Variants in RHCG observed in about 807,000 individuals in gnomAD.
RHCG encodes the protein Rh family C glycoprotein, also known as ammonium transporter Rh type C.
In RHCG, 39 loss-of-function variants were observed where a neutral mutation model predicts 55.3. The observed-to-expected ratio is 0.70, with a 90% CI of 0.55 to 0.92. The LOEUF is 0.92. Among genes scored for constraint, RHCG ranks in the 40% least tolerant of loss-of-function variants. RHCG has a pLI of 0.00. For synonymous variants in RHCG, 250 were observed against 246.8 expected (o/e 1.01, Z -0.12); for missense variants, 635 against 627.9 (o/e 1.01, Z -0.12).
rs1961067740 is a variant in RHCG, at chr15:89,472,891, G to A, written c.1312-28C>T. On this transcript the variant is annotated intron_variant, in intron 9 of 10. Transcript: ENST00000268122. ...ACAGAGAGAGGATGCAACTCTGAGG[G>A]CCCTGTCCCAGTCCAGGCAAGGGTG... 5 of 1,404,380 alleles carry A rather than the reference G, an allele frequency of 3.6e-6. No homozygotes were observed. The South Asian group carries it at 6.3e-5, about 18-fold the overall frequency. 87.0% of individuals were successfully genotyped at this position (1,404,380 alleles called of 1,614,324 possible).
At position 89,486,812 on chromosome 15, in the gene RHCG, C is replaced by T. The variant is rs138095319; in HGVS notation, c.358G>A (p.Val120Met). 1 of 1,591,074 alleles carries T rather than the reference C, an allele frequency of 6.3e-7. No homozygotes were observed. The highest frequency in any genetic ancestry group is 8.6e-7 in the Non-Finnish European group (1 of 1,163,140). Residue 120 changes from valine (V) to methionine (M), a missense_variant, in exon 2 of 11, where the codon GTG becomes ATG. Coordinates refer to ENST00000268122, the MANE Select transcript of RHCG (RefSeq NM_016321.3). ...FHFLQDRYIV[V>M]GVENLINADF... ...CCCTGCGCTCACTTCTCCACGCCCA[C>T]GACGATGTAGCGGTCTTGTAAGAAG...
intron 5 of RHCG, among the ~76,000 whole-genome samples, chr15:89,478,374 G>A (rs558061161): frequency 1.2e-4 from 19 of 152,316 alleles, no homozygotes; most frequent in Admixed American, 2.6e-4. Flanking sequence ...ACATAGGCAC[G>A]CACCAGCTGC....
At position 89,485,033 on chromosome 15, in the gene RHCG, C is replaced by A. The variant is rs149459214; in HGVS notation, c.371+1766G>T. 3.5e-3 allele frequency among the ~76,000 whole-genome samples: 530 copies of A among 152,224 alleles called. 3 individuals carry two copies. Among genetic ancestry groups the A allele is most frequent in the African/African-American group, 0.012 (516 of 41,530 alleles). On this transcript the variant is annotated intron_variant, in intron 2 of 10. Transcript: ENST00000268122. ...CAGGTCTGGGGACAATATGCTCATC[C>A]CAGCCCCGGGCACCAGAAATCAGCT...
rs148412499 is a variant in RHCG, at chr15:89,481,060, G to A, written c.523-652C>T. ...TAGAACTGGTTGTTGACAGGGCTGG[G>A]ATTCTCGACTCCCAGCCTAGCAGAT... is the stretch of plus-strand genomic sequence containing the variant. On this transcript the variant is annotated intron_variant, in intron 3 of 10. Transcript: ENST00000268122. 5.6e-4 allele frequency among the ~76,000 whole-genome samples: 86 copies of A among 152,326 alleles called. 1 individual carries two copies. Among genetic ancestry groups the A allele is most frequent in the African/African-American group, 1.8e-3 (74 of 41,580 alleles).
chr15:89,486,384 C>T (rs1055354124), intron 2 of RHCG: 2 of 456,432 alleles, frequency 4.4e-6, no homozygotes, highest in Admixed American at 2.3e-5. Flanking sequence ...TCTCAGGACA[C>T]AGGGCTGGGC....
chr15:89,489,797 G>A (rs1264788112), intron 1 of RHCG, among the ~76,000 whole-genome samples: 1 of 152,170 alleles, frequency 6.6e-6, no homozygotes, highest in Non-Finnish European at 1.5e-5. Context: ...ATTTAAGATA[G>A]GTTCTCCCCC....
At chr15:89,484,102 C>G (rs1419365244) in intron 2 of RHCG, among the ~76,000 whole-genome samples, 1 of 152,014 alleles carries the variant, frequency 6.6e-6, no homozygotes, top group East Asian at 1.9e-4. Flanking sequence ...GGGTCTGTCA[C>G]ATCTAGAAAG....
intron 9 of RHCG, 99 bp from the exon 10 acceptor site, chr15:89,472,962 G>A (rs1961068899): frequency 4.6e-6 from 6 of 1,313,636 alleles, no homozygotes; most frequent in Admixed American, 6.7e-5. Context: ...TGTGGCGAGC[G>A]CCACCTTGTG....
intron 4 of RHCG, 180 bp from the exon 5 acceptor site, chr15:89,479,668 C>T: frequency 1.6e-6 from 1 of 608,032 alleles, no homozygotes; most frequent in Non-Finnish European, 2.9e-6. Context: ...CTTCCTTACC[C>T]CCCACTTAGC....
chr15:89,477,333 A>C lies in RHCG; in HGVS notation c.1113-127T>G. 7.0e-7 allele frequency: 1 copy of C among 1,429,394 alleles called. No homozygotes were observed. The highest frequency in any genetic ancestry group is 9.6e-7 in the Non-Finnish European group (1 of 1,040,518). The allele number at this position is 1,429,394 out of a possible 1,614,324, so 88.5% of individuals were successfully genotyped here. ...CCCACCCACAACATGGGGACACCGG[A>C]CATATCAGTTGGCCTCTAAAACTCT... On this transcript the variant is annotated intron_variant, in intron 7 of 10. Coordinates refer to ENST00000268122, the MANE Select transcript of RHCG (RefSeq NM_016321.3). The surrounding 1 kb of genome is among the most constrained non-coding windows in gnomAD (Gnocchi z 4.5).
chr15:89,472,371 T>G (rs1235923924), intron 10 of RHCG, among the ~76,000 whole-genome samples: 1 of 152,118 alleles, frequency 6.6e-6, no homozygotes, highest in African/African-American at 2.4e-5. Context: ...TTTTTATAGA[T>G]GAGGAAATCG....
intron 9 of RHCG, among the ~76,000 whole-genome samples, chr15:89,474,941 C>T (rs1323156369): frequency 2.2e-5 from 3 of 136,090 alleles, no homozygotes; most frequent in Non-Finnish European, 3.0e-5. Context: ...TTCCTGCCTT[C>T]CTGCCTTCAT....
At chr15:89,472,966 C>T (rs1961068955) in intron 9 of RHCG, 103 bp from the exon 10 acceptor site, 2 of 1,301,826 alleles carry the variant, frequency 1.5e-6, no homozygotes, top group Non-Finnish European at 2.0e-6. Context: ...GCGAGCGCCA[C>T]CTTGTGATCG....
chr15:89,478,350 C>T lies in RHCG; in HGVS notation c.838-376G>A, dbSNP rs948168377. Reference sequence around the variant, plus strand: ...CATGGATGCAAGTCCACGTCAAGTGCCTATGGGGTCTAGACATAGGCACGC... The same window carrying T: ...CATGGATGCAAGTCCACGTCAAGTGTCTATGGGGTCTAGACATAGGCACGC... On this transcript the variant is annotated intron_variant, in intron 5 of 10. Coordinates refer to ENST00000268122, the MANE Select transcript of RHCG (RefSeq NM_016321.3). Among the ~76,000 whole-genome samples, 10 of 152,292 alleles carry T rather than the reference C, an allele frequency of 6.6e-5. No homozygotes were observed. The East Asian group carries it at 1.9e-3, about 29-fold the overall frequency.
Position 89,477,644 on chromosome 15 carries a change from C to A in RHCG, c.985G>T (p.Glu329Ter). The change falls in exon 7 of 11, where the codon GAG (glutamate) becomes TAG (stop). Residue 329 changes from glutamate to a stop codon, truncating the protein, a stop_gained. Coordinates refer to ENST00000268122, the MANE Select transcript of RHCG (RefSeq NM_016321.3). LOFTEE classifies it high-confidence loss of function. This position sits in a 1 kb window ranked among gnomAD's most constrained non-coding sequence, Gnocchi z 4.5. The stretch of plus-strand genomic sequence containing the variant: ...GTGTCCTGGATGTGCAGCCGGGACT[C>A]CAGGAATGGCTGGAGACGGGAGGTG... ...LGFVYLTPFL[E>*]SRLHIQDTCG... 1 of 1,613,986 alleles carries A rather than the reference C, an allele frequency of 6.2e-7. No homozygotes were observed. Among genetic ancestry groups the A allele is most frequent in the Non-Finnish European group, 8.5e-7 (1 of 1,179,992 alleles).
chr15:89,496,267 A>T, intron 1 of RHCG, 94 bp downstream of exon 1: 1 of 1,310,920 alleles, frequency 7.6e-7, no homozygotes, highest in Non-Finnish European at 1.1e-6. Flanking sequence ...TGCAGGGTAG[A>T]TCCCCTCCTC....
At chr15:89,483,744 A>C (rs140973616) in intron 2 of RHCG, among the ~76,000 whole-genome samples, 1 of 152,124 alleles carries the variant, frequency 6.6e-6, no homozygotes, top group Non-Finnish European at 1.5e-5. Flanking sequence ...AAGAGGATCT[A>C]TGTCCAGGGA....
chr15:89,478,103 A>C, intron 5 of RHCG, 129 bp from the exon 6 acceptor site: 1 of 1,237,150 alleles, frequency 8.1e-7, no homozygotes, highest in Non-Finnish European at 1.1e-6. Context: ...CTGGGAGTTC[A>C]CCTCAGCAAG....
chr15:89,477,924 A>C lies in RHCG; in HGVS notation c.888T>G (p.Ala296=). 1 of 1,613,566 alleles carries C rather than the reference A, an allele frequency of 6.2e-7. No homozygotes were observed. Among genetic ancestry groups the C allele is most frequent in the Middle Eastern group, 1.7e-4 (1 of 6,056 alleles). Residue 296 remains alanine, a synonymous_variant, in exon 6 of 11, where the codon GCT becomes GCG. Transcript: ENST00000268122. This position sits in a 1 kb window ranked among gnomAD's most constrained non-coding sequence, Gnocchi z 4.5. ...TLAGGVAVGT[A]AEMMLMPYGA... ...CGTAAGGCATGAGCATCATCTCAGC[A>C]GCGGTACCCACGGCCACCCCTCCTG...
Sources: gnomAD v4.1 joint callset for allele counts (sites outside exome capture counted in the v4.1 genomes callset) on GRCh38, gnomAD v4.1.1 for gene constraint, Gnocchi (gnomAD v3.1) non-coding constraint, MANE v1.5 for transcripts, NCBI Gene and HGNC (gene_info 2026-07-23, HGNC 2026-07-21) for gene names.